Variants in SEL1L observed in about 807,000 individuals in gnomAD.
The protein encoded by SEL1L is protein sel-1 homolog 1.
A neutral mutation model predicts 109.8 loss-of-function variants in SEL1L; 52 were observed. The observed-to-expected ratio is 0.47, with a 90% CI of 0.38 to 0.60. The LOEUF (loss-of-function observed/expected upper bound fraction) is 0.60, where lower values mean the gene tolerates loss of function less well. SEL1L is among the 20% of genes least tolerant of loss of function. SEL1L has a pLI of 0.00. For synonymous variants in SEL1L, 373 were observed against 339.6 expected (o/e 1.10, Z -1.08); for missense variants, 749 against 962.2 (o/e 0.78, Z 2.93).
intron 14 of SEL1L, chr14:81,489,050 C>T: frequency 3.4e-6 from 2 of 590,418 alleles, no homozygotes; most frequent in Non-Finnish European, 6.0e-6. Flanking sequence ...AAGTGCCAGA[C>T]ACAGAGCTGT....
At position 81,521,411 on chromosome 14, in the gene SEL1L, C is replaced by A. The variant is rs557866454; in HGVS notation, c.340+5322G>T. ...AGTCAAAAAGACAAAGGAATGATTA[C>A]CAATGGCCAAAAAAGGAAAATTCTG... On this transcript the variant is annotated intron_variant, in intron 3 of 20. Coordinates refer to ENST00000336735, the MANE Select transcript of SEL1L (RefSeq NM_005065.6). Among the ~76,000 whole-genome samples the A allele has an allele frequency of 9.9e-5, 15 of 152,180 alleles. No individual in the cohort carries two copies. In the East Asian group the frequency reaches 2.7e-3, roughly 27 times the overall value.
At chr14:81,477,682 G>T (rs1160827369) in intron 20 of SEL1L, among the ~76,000 whole-genome samples, 3 of 152,126 alleles carry the variant, frequency 2.0e-5, no homozygotes, top group Non-Finnish European at 4.4e-5. Flanking sequence ...GCATGGTGGC[G>T]GGTGCATGTA....
chr14:81,503,279 C>G (rs1301376426), intron 5 of SEL1L, among the ~76,000 whole-genome samples: 1 of 152,152 alleles, frequency 6.6e-6, no homozygotes, highest in African/African-American at 2.4e-5. Flanking sequence ...GCCTAGCCAC[C>G]CCCTCTGATA....
Position 81,497,971 on chromosome 14 carries a change from C to T in SEL1L, c.1049G>A (p.Gly350Glu). The T allele has an allele frequency of 6.2e-7, 1 of 1,614,022 alleles. No homozygotes were observed. ...IRLPDEVENPGMNSGMLEEDL... is the reference protein window; with the variant it reads ...IRLPDEVENPEMNSGMLEEDL... ...TTCTTCTAGCATTCCACTGTTCATT[C>T]CTGGATTTTCCACTTCATCAGGCAG... The change falls in exon 10 of 21, where the codon GGA becomes GAA. Residue 350 changes from glycine to glutamate, a missense_variant. Physicochemically the swap from Gly to Glu is moderately conservative, Grantham distance 98. Transcript: ENST00000336735.
intron 3 of SEL1L, among the ~76,000 whole-genome samples, chr14:81,516,864 TTTCCTCCAGAC>T (rs1372949384): frequency 6.6e-6 from 1 of 152,200 alleles, no homozygotes; most frequent in African/African-American, 2.4e-5. Flanking sequence ...TTCTACCTTG[TTTCCTCCAGAC>T]TTCCCCCCCA....
chr14:81,487,730 G>C (rs991096601), intron 15 of SEL1L, 125 bp downstream of exon 15: 2 of 1,516,772 alleles, frequency 1.3e-6, no homozygotes, highest in Admixed American at 4.8e-5. Flanking sequence ...ACAAATCATT[G>C]AACTGGGAGA....
At chr14:81,518,391 G>A (rs1884783910) in intron 3 of SEL1L, among the ~76,000 whole-genome samples, 1 of 151,806 alleles carries the variant, frequency 6.6e-6, no homozygotes, top group Non-Finnish European at 1.5e-5. Context: ...CGGGTGCGGT[G>A]GCTCACTCCT....
intron 3 of SEL1L, among the ~76,000 whole-genome samples, chr14:81,523,055 G>A (rs1218229633): frequency 3.9e-5 from 6 of 152,212 alleles, no homozygotes; most frequent in East Asian, 1.9e-4. Flanking sequence ...ATCTTCATCC[G>A]TTTCCAGAAA....
In SEL1L at chr14:81,500,589, A is replaced by T. The variant is rs371544347; in HGVS notation, c.778-927T>A. 3.9e-5 allele frequency among the ~76,000 whole-genome samples: 6 copies of T among 152,296 alleles called. No individual in the cohort carries two copies. In the East Asian group the frequency reaches 9.6e-4, roughly 24 times the overall value. On this transcript the variant is annotated intron_variant, in intron 6 of 20. Coordinates refer to ENST00000336735, the MANE Select transcript of SEL1L (RefSeq NM_005065.6). ...TTAGCTTGAGGACAATTTAATACTA[A>T]CTAGAAAGACAAAGCTGAATACATG...
At chr14:81,510,506 C>CTATATATATATATATA (rs1185338964) in intron 3 of SEL1L, among the ~76,000 whole-genome samples, 1 of 120,988 alleles carries the variant, frequency 8.3e-6, no homozygotes, top group East Asian at 2.6e-4. Flanking sequence ...CTCTCTCTCT[C>CTATATATATATATATA]TCTCTCTCTA....
At chr14:81,482,710 C>T (rs568338688) in intron 19 of SEL1L, among the ~76,000 whole-genome samples, 1 of 152,034 alleles carries the variant, frequency 6.6e-6, no homozygotes, top group South Asian at 2.1e-4. Context: ...TAGTAATATT[C>T]TAAGTATTAA....
chr14:81,497,829 G>A (rs779701687), intron 10 of SEL1L, 63 bp downstream of exon 10: 74 of 1,470,394 alleles, frequency 5.0e-5, no homozygotes, highest in Non-Finnish European at 6.6e-5. Flanking sequence ...GCTTGCTCCC[G>A]TCCCCCACAG....
chr14:81,479,801 G>A, intron 19 of SEL1L, 61 bp from the exon 20 acceptor site: 1 of 1,417,066 alleles, frequency 7.1e-7, no homozygotes, highest in African/African-American at 1.4e-5. Flanking sequence ...AATATTTAGT[G>A]AACATATTAG....
intron 19 of SEL1L, among the ~76,000 whole-genome samples, chr14:81,483,617 T>C (rs560740154): frequency 2.0e-5 from 3 of 152,224 alleles, no homozygotes; most frequent in Non-Finnish European, 4.4e-5. Context: ...TAAGTGGGTA[T>C]TAAATTATTG....
chr14:81,533,593 C>G (rs1278528479), intron 1 of SEL1L, 82 bp downstream of exon 1: 2 of 1,371,468 alleles, frequency 1.5e-6, no homozygotes, highest in Non-Finnish European at 2.0e-6. Context: ...GGTCCCGAGC[C>G]TGGAGTCCCC....
intron 4 of SEL1L, among the ~76,000 whole-genome samples, chr14:81,505,082 C>T (rs1287672142): frequency 6.6e-6 from 1 of 152,088 alleles, no homozygotes; most frequent in Non-Finnish European, 1.5e-5. Context: ...AAAATAAGGT[C>T]AAGACATACG....
At chr14:81,480,610 T>C (rs1007568653) in intron 19 of SEL1L, among the ~76,000 whole-genome samples, 1 of 152,072 alleles carries the variant, frequency 6.6e-6, no homozygotes, top group Admixed American at 6.6e-5. Flanking sequence ...TCCCAGCTAC[T>C]TGGGAGGCTG....
At chr14:81,504,665 C>G (rs977925970) in intron 4 of SEL1L, among the ~76,000 whole-genome samples, 12 of 152,034 alleles carry the variant, frequency 7.9e-5, no homozygotes, top group Non-Finnish European at 2.9e-5. Context: ...CCCACCAAAT[C>G]TCACACTGAA....
intron 10 of SEL1L, among the ~76,000 whole-genome samples, chr14:81,496,489 C>T (rs904234904): frequency 2.0e-5 from 3 of 152,082 alleles, no homozygotes; most frequent in East Asian, 3.9e-4. Flanking sequence ...CCTGTAATCC[C>T]AGCCTTTGGG....
Sources: allele counts gnomAD v4.1 joint callset (sites outside exome capture counted in the v4.1 genomes callset), GRCh38; gene constraint gnomAD v4.1.1; transcripts MANE v1.5; gene names NCBI Gene and HGNC (gene_info 2026-07-23, HGNC 2026-07-21).